Variants in PRDM16 observed in about 807,000 individuals in gnomAD.
PRDM16 encodes histone-lysine N-methyltransferase PRDM16.
PRDM16 carries 23 observed loss-of-function variants against 110.6 expected under a neutral mutation model. The observed-to-expected ratio is 0.21, with a 90% CI of 0.15 to 0.29. PRDM16 has a LOEUF of 0.29. Among genes scored for constraint, PRDM16 ranks in the 10% least tolerant of loss-of-function variants. PRDM16 has a pLI of 1.00. For synonymous variants in PRDM16, 799 were observed against 781.8 expected (o/e 1.02, Z -0.37); for missense variants, 1,615 against 1,794.3 (o/e 0.90, Z 1.81).
At chr1:3,421,204 CAGG>C (rs1638417339) in intron 12 of PRDM16, among the ~76,000 whole-genome samples, 1 of 152,182 alleles carries the variant, frequency 6.6e-6, no homozygotes, top group Admixed American at 6.5e-5. Flanking sequence ...GTAGTGGCTG[CAGG>C]AGACCTCACT....
chr1:3,360,089 G>A (rs1444676945), intron 3 of PRDM16, among the ~76,000 whole-genome samples: 4 of 145,276 alleles, frequency 2.8e-5, no homozygotes, highest in East Asian at 1.9e-4. Flanking sequence ...TAAATGAATC[G>A]AACACTTCTT....
At position 3,390,465 on chromosome 1, in the gene PRDM16, C is replaced by A. The variant is rs1195634765; in HGVS notation, c.573+5179C>A. On this transcript the variant is annotated intron_variant, in intron 4 of 16. Transcript: ENST00000270722. This position sits in a 1 kb window ranked among gnomAD's most constrained non-coding sequence, Gnocchi z 5.0. ...TGGGGCTGCCTGGGCATCAGACAAA[C>A]CCCAAAACCCCAGGGCCTTCCAGGG... Among the ~76,000 whole-genome samples the A allele has an allele frequency of 5.3e-5, 8 of 152,218 alleles. No individual in the cohort carries two copies. The highest frequency in any genetic ancestry group is 1.0e-4 in the Non-Finnish European group (7 of 68,034).
chr1:3,216,965 C>T (rs570172544), intron 2 of PRDM16, among the ~76,000 whole-genome samples: 35 of 152,360 alleles, frequency 2.3e-4, no homozygotes, highest in African/African-American at 6.7e-4. Flanking sequence ...ACTGGGATTG[C>T]GGCAGTTCCT....
At chr1:3,149,293 A>G (rs749575847) in intron 1 of PRDM16, among the ~76,000 whole-genome samples, 4 of 152,146 alleles carry the variant, frequency 2.6e-5, no homozygotes, top group Non-Finnish European at 5.9e-5. Context: ...GAAGAAGATG[A>G]AGCAGGCAGG....
intron 1 of PRDM16, among the ~76,000 whole-genome samples, chr1:3,089,241 T>C (rs1007740825): frequency 7.9e-5 from 12 of 152,210 alleles, no homozygotes; most frequent in African/African-American, 2.9e-4. Flanking sequence ...AGAAGGGGTG[T>C]GGACCCCGAA....
Position 3,434,599 on chromosome 1 carries a change from T to C in PRDM16, c.*788T>C. The C allele has an allele frequency of 4.3e-6, 1 of 232,032 alleles. No homozygotes were observed. Among genetic ancestry groups the C allele is most frequent in the Non-Finnish European group, 8.5e-6 (1 of 117,230 alleles). 14.4% of individuals were successfully genotyped at this position (232,032 alleles called of 1,614,324 possible). On this transcript the variant is annotated 3_prime_UTR_variant, in exon 17 of 17. Coordinates refer to ENST00000270722, the MANE Select transcript of PRDM16 (RefSeq NM_022114.4). The stretch of plus-strand genomic sequence containing the variant: ...GGCAGGGCGCCCTGGGCTGCAGGCC[T>C]GCCCGAGGCTGGGATGGGAAGTGTG...
intron 1 of PRDM16, among the ~76,000 whole-genome samples, chr1:3,107,141 A>C (rs6667850): frequency 0.17 from 26,565 of 152,274 alleles, 3,260 homozygotes; most frequent in African/African-American, 0.34. Context: ...CAGGGAAGGA[A>C]GCCGAGGGCC....
At chr1:3,134,125 C>G (rs568697601) in intron 1 of PRDM16, among the ~76,000 whole-genome samples, 51 of 152,290 alleles carry the variant, frequency 3.3e-4, no homozygotes, top group African/African-American at 1.1e-3. Flanking sequence ...GAGGCCTGGG[C>G]TCAGGACCAC....
At chr1:3,093,071 A>G (rs1213719019) in intron 1 of PRDM16, among the ~76,000 whole-genome samples, 1 of 152,148 alleles carries the variant, frequency 6.6e-6, no homozygotes, top group East Asian at 1.9e-4. Flanking sequence ...CGCCCTCAAT[A>G]GTAACTTCCC....
chr1:3,403,936 CG>C (rs1643516448), intron 6 of PRDM16, among the ~76,000 whole-genome samples: 2 of 152,206 alleles, frequency 1.3e-5, no homozygotes, highest in South Asian at 4.1e-4. Flanking sequence ...AGAAAATAAA[CG>C]TTTGGGCAAA....
chr1:3,261,153 C>T (rs568243508), intron 3 of PRDM16, among the ~76,000 whole-genome samples: 1 of 148,188 alleles, frequency 6.7e-6, no homozygotes, highest in African/African-American at 2.5e-5. Flanking sequence ...CAGGAAGAGG[C>T]AGAAAGAAAA....
chr1:3,403,090 C>T, intron 6 of PRDM16, 92 bp downstream of exon 6: 2 of 1,093,980 alleles, frequency 1.8e-6, no homozygotes, highest in East Asian at 5.6e-5. Flanking sequence ...GTCTTCCTCC[C>T]CTCCCTTCCC....
At chr1:3,171,391 G>A (rs1439430716) in intron 1 of PRDM16, among the ~76,000 whole-genome samples, 2 of 152,238 alleles carry the variant, frequency 1.3e-5, no homozygotes, top group African/African-American at 4.8e-5. Context: ...AGCCCTGGCT[G>A]AGTGCACTTT....
At chr1:3,274,485 C>T (rs1640537965) in intron 3 of PRDM16, among the ~76,000 whole-genome samples, 1 of 152,178 alleles carries the variant, frequency 6.6e-6, no homozygotes, top group African/African-American at 2.4e-5. Flanking sequence ...TAGCCGGCTG[C>T]GGAAGGAAGG....
Position 3,404,743 on chromosome 1 carries a change from G to A in PRDM16, c.889G>A (p.Glu297Lys). 6.2e-7 allele frequency: 1 copy of A among 1,613,350 alleles called. No individual in the cohort carries two copies. Among genetic ancestry groups the A allele is most frequent in the Non-Finnish European group, 8.5e-7 (1 of 1,179,948 alleles). Residue 297 changes from glutamate (E) to lysine (K), a missense_variant, in exon 7 of 17, where the codon GAG (glutamate) becomes AAG (lysine). Physicochemically the swap from Glu to Lys is moderately conservative, Grantham distance 56. Coordinates refer to ENST00000270722, the MANE Select transcript of PRDM16 (RefSeq NM_022114.4). The part of the protein sequence containing the change: ...ERMFPNKYSL[E>K]QHMVIHTEER... ...TGAGCCTCGTCCTCTGCGCAGCCTG[G>A]AGCAGCACATGGTCATCCACACGGA...
At chr1:3,097,419 C>A (rs1237315769) in intron 1 of PRDM16, among the ~76,000 whole-genome samples, 2 of 152,240 alleles carry the variant, frequency 1.3e-5, no homozygotes, top group African/African-American at 4.8e-5. Flanking sequence ...ACAACAGTGG[C>A]CAGGCTGCCG....
At chr1:3,419,316 G>A (rs928719370) in intron 12 of PRDM16, among the ~76,000 whole-genome samples, 13 of 152,294 alleles carry the variant, frequency 8.5e-5, no homozygotes, top group East Asian at 1.9e-4. Context: ...GGATCCCCCC[G>A]TGCTCCTCTC....
rs367908286 is a variant in PRDM16 at position 3,232,073 on chromosome 1, C to A, written c.388-12014C>A. Among the ~76,000 whole-genome samples the A allele has an allele frequency of 3.0e-4, 46 of 152,342 alleles. No individual in the cohort carries two copies. The East Asian group carries it at 6.7e-3, about 22-fold the overall frequency. Reference sequence around the variant, plus strand: ...TTCACGCACGGTGGTCTCGAGTTCGCAGGCAGCTGCGACCGACACCCAGGA... The same window carrying A: ...TTCACGCACGGTGGTCTCGAGTTCGAAGGCAGCTGCGACCGACACCCAGGA... On this transcript the variant is annotated intron_variant, in intron 2 of 16. Coordinates refer to ENST00000270722, the MANE Select transcript of PRDM16 (RefSeq NM_022114.4).
rs1644179754 is a variant in PRDM16 at position 3,181,440 on chromosome 1, A to ATG, written c.38-4685_38-4684insTG. ...CTTACACACGCGGTCTTACACAAGCAGTCTTACACGGTCTTACACACGGTC... is the reference window on the plus strand; with the variant it reads ...CTTACACACGCGGTCTTACACAAGCATGGTCTTACACGGTCTTACACACGGTC... On this transcript the variant is annotated intron_variant, in intron 1 of 16. Coordinates refer to ENST00000270722, the MANE Select transcript of PRDM16 (RefSeq NM_022114.4). Among the ~76,000 whole-genome samples, 6 of 25,350 alleles carry ATG rather than the reference A, an allele frequency of 2.4e-4. 3 individuals are homozygous for ATG. In the Admixed American group the frequency reaches 2.4e-3, roughly 10 times the overall value. 16.6% of individuals were successfully genotyped at this position (25,350 alleles called of 152,430 possible).
Sources: allele counts gnomAD v4.1 joint callset (sites outside exome capture counted in the v4.1 genomes callset), GRCh38; gene constraint gnomAD v4.1.1; non-coding constraint Gnocchi (gnomAD v3.1); transcripts MANE v1.5; gene names NCBI Gene and HGNC (gene_info 2026-07-23, HGNC 2026-07-21).